PON1: variants seen among roughly 807,000 people sequenced by gnomAD.
PON1 encodes the protein serum paraoxonase/arylesterase 1.
Under a neutral mutation model 39.2 loss-of-function variants are expected in PON1, and 37 were observed. The observed-to-expected ratio is 0.94, with a 90% CI of 0.73 to 1.24. PON1 has a LOEUF of 1.24. Among genes scored for constraint, PON1 ranks in the 50% most tolerant of loss-of-function variants. The pLI is 0.00. For missense variants in PON1, 397 were observed against 413.5 expected, an observed-to-expected ratio of 0.96 and a Z score of 0.35; for synonymous variants, 148 against 152.2, an observed-to-expected ratio of 0.97 and a Z score of 0.21.
chr7:95,300,663 C>A (rs1262459963), intron 8 of PON1, among the ~76,000 whole-genome samples: 4 of 152,184 alleles, frequency 2.6e-5, no homozygotes, highest in South Asian at 4.1e-4. Context: ...TTTGCTACTC[C>A]TTTGCAGATC....
At chr7:95,311,183 AT>A (rs549477724) in intron 5 of PON1, among the ~76,000 whole-genome samples, 1 of 152,134 alleles carries the variant, frequency 6.6e-6, no homozygotes, top group Middle Eastern at 3.4e-3. Context: ...GAAGAAGAGG[AT>A]TTTTTTCCTG....
chr7:95,322,814 A>T (rs1363500746), intron 1 of PON1, among the ~76,000 whole-genome samples: 1 of 152,104 alleles, frequency 6.6e-6, no homozygotes, highest in Non-Finnish European at 1.5e-5. Context: ...GAACTCTCTC[A>T]GTTCTTTTCT....
intron 7 of PON1, among the ~76,000 whole-genome samples, chr7:95,304,193 C>T (rs371387189): frequency 1.6e-3 from 243 of 152,218 alleles, no homozygotes; most frequent in African/African-American, 5.3e-3. Context: ...TTTCTGTCTC[C>T]ATGAATTTGC....
intron 1 of PON1, 44 bp from the exon 2 acceptor site, chr7:95,318,437 A>T (rs1403174387): frequency 6.6e-7 from 1 of 1,524,190 alleles, no homozygotes. Flanking sequence ...ACTATTCAGA[A>T]ATTATAATAA....
chr7:95,301,175 C>T (rs1807413413), intron 8 of PON1, among the ~76,000 whole-genome samples: 1 of 152,004 alleles, frequency 6.6e-6, no homozygotes, highest in Non-Finnish European at 1.5e-5. Flanking sequence ...TGTGCAAATA[C>T]CTATATTGAA....
rs551261577 is a variant in PON1, at chr7:95,301,814, A to G, written c.909+391T>C. Among the ~76,000 whole-genome samples the G allele has an allele frequency of 2.5e-4, 38 of 151,890 alleles. 1 individual carries two copies. In the East Asian group the frequency reaches 3.1e-3, roughly 12 times the overall value. Reference sequence around the variant, plus strand: ...ACATAGAATTGAGAATTGGCCGGGCACGGTGGCTCACGCCTGTAATCCCGG... The same window carrying G: ...ACATAGAATTGAGAATTGGCCGGGCGCGGTGGCTCACGCCTGTAATCCCGG... On this transcript the variant is annotated intron_variant, in intron 8 of 8. Coordinates refer to ENST00000222381, the MANE Select transcript of PON1 (RefSeq NM_000446.7).
At chr7:95,308,478 G>A (rs1045399753) in intron 5 of PON1, among the ~76,000 whole-genome samples, 4 of 25,178 alleles carry the variant, frequency 1.6e-4, no homozygotes, top group East Asian at 7.5e-3. Flanking sequence ...GTTACGTCGT[G>A]TGTGTGTGTG....
At chr7:95,307,938 A>G in intron 6 of PON1, 73 bp downstream of exon 6, 1 of 1,386,054 alleles carries the variant, frequency 7.2e-7, no homozygotes, top group Non-Finnish European at 1.0e-6. Flanking sequence ...CATATTACTT[A>G]AAAAAAGAAT....
At chr7:95,313,925 C>T (rs1807710174) in intron 4 of PON1, among the ~76,000 whole-genome samples, 1 of 152,012 alleles carries the variant, frequency 6.6e-6, no homozygotes, top group South Asian at 2.1e-4. Context: ...TGGGGTAGTG[C>T]TCAGGGAAGT....
rs1170907590 is a variant in PON1, at chr7:95,297,816, A to AAATT, written c.*1124_*1127dup. ...CAAAAACAAAACAAAAACAAGAAAA[A>AAATT]AATTTGTTTCTAAAGTCACTGCCTT... is the stretch of plus-strand genomic sequence containing the variant. On this transcript the variant is annotated 3_prime_UTR_variant, in exon 9 of 9. Transcript: ENST00000222381. The AAATT allele has an allele frequency of 1.3e-5, 2 of 152,172 alleles. No individual in the cohort carries two copies. Among genetic ancestry groups the AAATT allele is most frequent in the Non-Finnish European group, 2.9e-5 (2 of 68,038 alleles). The allele number at this position is 152,172 out of a possible 1,614,324, so 9.4% of individuals were successfully genotyped here.
intron 1 of PON1, among the ~76,000 whole-genome samples, chr7:95,319,285 C>T (rs1241829010): frequency 6.6e-6 from 1 of 151,958 alleles, no homozygotes; most frequent in African/African-American, 2.4e-5. Context: ...GGCGGATGGG[C>T]TACAGGCGGA....
chr7:95,304,654 G>T (rs1807503149), intron 7 of PON1, among the ~76,000 whole-genome samples: 1 of 152,054 alleles, frequency 6.6e-6, no homozygotes, highest in African/African-American at 2.4e-5. Context: ...CCTTTTTAAG[G>T]CTGAACAATA....
chr7:95,318,592 A>G, intron 1 of PON1, 199 bp from the exon 2 acceptor site: 1 of 547,594 alleles, frequency 1.8e-6, no homozygotes, highest in Non-Finnish European at 3.3e-6. Flanking sequence ...GTTTTTATTT[A>G]GCAGAGGTGG....
chr7:95,311,536 T>G lies in PON1; in HGVS notation c.412A>C (p.Lys138Gln). ...AATTTAAACAACTCCACTGTGGACT[T>G]GGCATCTGGATGGTTCACCACCAGG... is the stretch of plus-strand genomic sequence containing the variant. Reference protein sequence around the residue: ...YLLVVNHPDAKSTVELFKFQE... With the variant: ...YLLVVNHPDAQSTVELFKFQE... The change falls in exon 5 of 9, where the codon AAG becomes CAG. Residue 138 changes from lysine (K) to glutamine (Q), a missense_variant. Coordinates refer to ENST00000222381, the MANE Select transcript of PON1 (RefSeq NM_000446.7). 6.2e-7 allele frequency: 1 copy of G among 1,614,092 alleles called. No individual in the cohort carries two copies. The highest frequency in any genetic ancestry group is 8.5e-7 in the Non-Finnish European group (1 of 1,179,924).
chr7:95,318,290 C>CA, intron 2 of PON1, 33 bp downstream of exon 2: 4 of 1,547,270 alleles, frequency 2.6e-6, no homozygotes, highest in Non-Finnish European at 3.6e-6. Context: ...ACCGGAAGTT[C>CA]AAATGAGACC....
chr7:95,322,065 T>C (rs1807909895), intron 1 of PON1, among the ~76,000 whole-genome samples: 2 of 152,154 alleles, frequency 1.3e-5, no homozygotes, highest in African/African-American at 4.8e-5. Context: ...TTTGTGGAGA[T>C]ACTAGGCAAG....
chr7:95,317,080 A>G (rs1422037599), intron 2 of PON1, among the ~76,000 whole-genome samples: 1 of 152,222 alleles, frequency 6.6e-6, no homozygotes, highest in Non-Finnish European at 1.5e-5. Flanking sequence ...GTTCATGGAA[A>G]TTCACAAAAC....
intron 1 of PON1, 135 bp downstream of exon 1, chr7:95,324,267 C>A (rs1563602747): frequency 2.5e-6 from 2 of 797,278 alleles, no homozygotes; most frequent in East Asian, 5.3e-5. Context: ...ATTTATGAAA[C>A]CCCCGCAGAG....
At chr7:95,322,651 G>T (rs1807924948) in intron 1 of PON1, among the ~76,000 whole-genome samples, 1 of 152,142 alleles carries the variant, frequency 6.6e-6, no homozygotes, top group Admixed American at 6.6e-5. Flanking sequence ...CAAGGAAGTT[G>T]CCATACAGAT....
Sources: gnomAD v4.1 joint callset for allele counts (sites outside exome capture counted in the v4.1 genomes callset) on GRCh38, gnomAD v4.1.1 for gene constraint, MANE v1.5 for transcripts, NCBI Gene and HGNC (gene_info 2026-07-23, HGNC 2026-07-21) for gene names.